LTBP1: variants seen among roughly 807,000 people sequenced by gnomAD.
LTBP1 encodes the protein latent transforming growth factor beta binding protein 1.
Under a neutral mutation model 207.6 loss-of-function variants are expected in LTBP1, and 129 were observed. The observed-to-expected ratio is 0.62, with a 90% CI of 0.54 to 0.72. The LOEUF (loss-of-function observed/expected upper bound fraction) is 0.72. LTBP1 is among the 30% of genes least tolerant of loss of function. The pLI is 0.00. For synonymous variants in LTBP1, 963 were observed against 833.7 expected, an observed-to-expected ratio of 1.16 and a Z score of -2.67; for missense variants, 2,281 against 2,217.2, an observed-to-expected ratio of 1.03 and a Z score of -0.58.
chr2:33,345,188 A>T (rs780444102), intron 25 of LTBP1, among the ~76,000 whole-genome samples: 4 of 152,238 alleles, frequency 2.6e-5, no homozygotes, highest in Non-Finnish European at 4.4e-5. Flanking sequence ...TTGCTCCAGT[A>T]TCATTTCTCT....
intron 24 of LTBP1, among the ~76,000 whole-genome samples, chr2:33,324,224 A>G (rs2094395726): frequency 6.6e-6 from 1 of 152,056 alleles, no homozygotes; most frequent in Non-Finnish European, 1.5e-5. Context: ...GTATTTTGAG[A>G]GAGACTACAA....
At chr2:33,034,699 T>G (rs574773330) in intron 3 of LTBP1, among the ~76,000 whole-genome samples, 40 of 152,318 alleles carry the variant, frequency 2.6e-4, no homozygotes, top group Admixed American at 2.2e-3. Context: ...GCTTTCTGGT[T>G]AGAGGTGCAC....
intron 2 of LTBP1, among the ~76,000 whole-genome samples, chr2:33,008,634 C>T (rs1173850161): frequency 2.6e-5 from 4 of 152,182 alleles, no homozygotes; most frequent in Non-Finnish European, 4.4e-5. Flanking sequence ...ATCTTCTAGG[C>T]GCAGGGCAAA....
intron 5 of LTBP1, among the ~76,000 whole-genome samples, chr2:33,156,508 A>C (rs1426174842): frequency 6.6e-6 from 1 of 152,176 alleles, no homozygotes; most frequent in Non-Finnish European, 1.5e-5. Flanking sequence ...TCACCTGTAG[A>C]ATGGGAAGGA....
chr2:32,959,291 G>A (rs901921200), intron 2 of LTBP1, among the ~76,000 whole-genome samples: 1 of 151,974 alleles, frequency 6.6e-6, no homozygotes, highest in African/African-American at 2.4e-5. Flanking sequence ...ATTTAGAGGT[G>A]AAAACCGAGT....
At chr2:33,039,528 G>GC (rs2076083559) in intron 3 of LTBP1, among the ~76,000 whole-genome samples, 1 of 152,162 alleles carries the variant, frequency 6.6e-6, no homozygotes, top group Non-Finnish European at 1.5e-5. Context: ...TAACTTGGCA[G>GC]CCTGCAGGGC....
chr2:33,292,635 C>A (rs569126633), intron 19 of LTBP1, among the ~76,000 whole-genome samples: 2 of 152,226 alleles, frequency 1.3e-5, no homozygotes, highest in African/African-American at 4.8e-5. Context: ...TGTGTTTGTC[C>A]CTTAGATTAC....
chr2:33,279,634 G>A (rs2093518059), intron 18 of LTBP1, among the ~76,000 whole-genome samples: 1 of 152,108 alleles, frequency 6.6e-6, no homozygotes, highest in African/African-American at 2.4e-5. Context: ...TCCAATGTTT[G>A]CAGAGAGAAC....
chr2:33,216,003 A>G (rs2090670183), intron 7 of LTBP1, among the ~76,000 whole-genome samples: 1 of 152,058 alleles, frequency 6.6e-6, no homozygotes, highest in African/African-American at 2.4e-5. Flanking sequence ...GTGAGCCACC[A>G]TGCCTGGCCC....
chr2:33,064,217 T>C (rs2077396733), intron 3 of LTBP1, among the ~76,000 whole-genome samples: 1 of 152,262 alleles, frequency 6.6e-6, no homozygotes, highest in African/African-American at 2.4e-5. Flanking sequence ...AGTTTTCTGC[T>C]AATATATAGA....
At chr2:33,380,832 C>T (rs182031029) in intron 31 of LTBP1, among the ~76,000 whole-genome samples, 2 of 152,158 alleles carry the variant, frequency 1.3e-5, no homozygotes, top group East Asian at 1.9e-4. Flanking sequence ...GTAATGCAAC[C>T]TCCCCTTTAT....
chr2:33,311,265 C>T (rs930470585), intron 23 of LTBP1, among the ~76,000 whole-genome samples: 7 of 152,098 alleles, frequency 4.6e-5, no homozygotes, highest in Non-Finnish European at 8.8e-5. Flanking sequence ...TATACACCTT[C>T]CTGCACTTGA....
intron 22 of LTBP1, among the ~76,000 whole-genome samples, chr2:33,304,162 T>C (rs1190879416): frequency 6.6e-6 from 1 of 152,236 alleles, no homozygotes; most frequent in Non-Finnish European, 1.5e-5. Context: ...AGAAAGCTTC[T>C]TTTGGAATAT....
intron 7 of LTBP1, 88 bp from the exon 8 acceptor site, chr2:33,217,464 T>A: frequency 1.2e-6 from 1 of 825,354 alleles, no homozygotes; most frequent in Non-Finnish European, 2.1e-6. Context: ...GGAACTGGTT[T>A]ATAGCGTGGC....
intron 19 of LTBP1, 114 bp from the exon 20 acceptor site, chr2:33,293,046 G>GAT: frequency 1.9e-6 from 2 of 1,079,362 alleles, no homozygotes; most frequent in Non-Finnish European, 2.6e-6. Flanking sequence ...TTATCTTTAA[G>GAT]AATCTGCCTG....
At chr2:33,195,880 C>T (rs574667006) in intron 7 of LTBP1, among the ~76,000 whole-genome samples, 1 of 152,148 alleles carries the variant, frequency 6.6e-6, no homozygotes, top group Non-Finnish European at 1.5e-5. Flanking sequence ...CACCCCAACC[C>T]TCAGGAACCC....
At chr2:33,266,843 A>G (rs538839952) in intron 15 of LTBP1, among the ~76,000 whole-genome samples, 22 of 152,274 alleles carry the variant, frequency 1.4e-4, no homozygotes, top group African/African-American at 5.3e-4. Context: ...GTGGGACAAG[A>G]ACTCAGAGCC....
chr2:33,036,121 C>T (rs2075905930), intron 3 of LTBP1, among the ~76,000 whole-genome samples: 1 of 152,148 alleles, frequency 6.6e-6, no homozygotes, highest in Non-Finnish European at 1.5e-5. Context: ...TGACATTCTT[C>T]TGTAACAGTG....
chr2:33,133,271 T>C (rs1044333427), intron 4 of LTBP1, among the ~76,000 whole-genome samples: 6 of 152,126 alleles, frequency 3.9e-5, no homozygotes, highest in African/African-American at 1.4e-4. Context: ...GAAAATATAA[T>C]ATTAGCCAAA....
Sources: allele counts gnomAD v4.1 joint callset (sites outside exome capture counted in the v4.1 genomes callset), GRCh38; gene constraint gnomAD v4.1.1; transcripts MANE v1.5; gene names NCBI Gene and HGNC (gene_info 2026-07-23, HGNC 2026-07-21).